The following SEC31A variants were observed in gnomAD, a reference collection of about 807,000 sequenced individuals.
The protein encoded by SEC31A is SEC31 homolog A, COPII component, also known as protein transport protein Sec31A.
SEC31A carries 70 observed loss-of-function variants against 151.0 expected under a neutral mutation model. The observed-to-expected ratio is 0.46, with a 90% CI of 0.38 to 0.57. The LOEUF (loss-of-function observed/expected upper bound fraction) is 0.57, where lower values mean the gene tolerates loss of function less well. Ranked by LOEUF, SEC31A falls within the 20% of genes least tolerant of loss-of-function variation. The probability of loss-of-function intolerance (pLI) is 0.00; values close to 1 mark genes in which losing one functional copy is unlikely to be tolerated. For synonymous variants in SEC31A, 475 were observed against 505.9 expected (o/e 0.94, Z 0.82); for missense variants, 1,330 against 1,471.2 (o/e 0.90, Z 1.57).
At chr4:82,828,424 T>C (rs1248802962) in intron 23 of SEC31A, among the ~76,000 whole-genome samples, 1 of 152,142 alleles carries the variant, frequency 6.6e-6, no homozygotes, top group Non-Finnish European at 1.5e-5. Context: ...TAATGCCTCC[T>C]AATTTTATAT....
intron 3 of SEC31A, chr4:82,898,055 T>C (rs1004959006): frequency 1.2e-4 from 18 of 152,326 alleles, no homozygotes; most frequent in African/African-American, 3.4e-4. Flanking sequence ...TCTCTGAGAG[T>C]ACAATTCCTG....
chr4:82,862,328 A>G (rs1228491359), intron 13 of SEC31A, among the ~76,000 whole-genome samples: 1 of 152,094 alleles, frequency 6.6e-6, no homozygotes, highest in East Asian at 1.9e-4. Flanking sequence ...ACAAAATTCA[A>G]ATATGTATGT....
Position 82,865,536 on chromosome 4 carries a change from GTATATATATATATATATA to G in SEC31A, c.1198-956_1198-939del, listed in dbSNP as rs55681370. 1.6e-3 allele frequency among the ~76,000 whole-genome samples: 213 copies of G among 137,226 alleles called. 3 individuals are homozygous for G. Among genetic ancestry groups the G allele is most frequent in the African/African-American group, 4.2e-3 (152 of 36,440 alleles). 90.0% of individuals were successfully genotyped at this position (137,226 alleles called of 152,430 possible). A position where few individuals can be genotyped will look rare whatever the true frequency, so the allele number is the denominator to read the frequency against. On this transcript the variant is annotated intron_variant, in intron 10 of 26. Coordinates refer to ENST00000395310, the MANE Select transcript of SEC31A (RefSeq NM_001077207.4). ...AAATGAATGGATAAAAAAAAATGTG[GTATATATATATATATATA>G]TATATATATATATATATATATATAT...
intron 1 of SEC31A, among the ~76,000 whole-genome samples, chr4:82,887,778 G>A (rs1010710313): frequency 2.0e-5 from 3 of 152,152 alleles, no homozygotes; most frequent in Non-Finnish European, 4.4e-5. Context: ...CATCTATTAG[G>A]CCGGGCGCGG....
chr4:82,826,415 G>A (rs904547335), intron 24 of SEC31A, among the ~76,000 whole-genome samples: 1 of 152,106 alleles, frequency 6.6e-6, no homozygotes, highest in Non-Finnish European at 1.5e-5. Context: ...GTGCAGTGGC[G>A]CAATCTCAGC....
At chr4:82,886,025 T>C (rs1740619373) in intron 1 of SEC31A, among the ~76,000 whole-genome samples, 1 of 148,032 alleles carries the variant, frequency 6.8e-6, no homozygotes, top group East Asian at 1.9e-4. Flanking sequence ...AATCTGTACA[T>C]GCTAGCAAGG....
intron 8 of SEC31A, 127 bp downstream of exon 8, chr4:82,870,198 T>C: frequency 1.6e-6 from 1 of 626,060 alleles, no homozygotes; most frequent in Non-Finnish European, 2.7e-6. Flanking sequence ...AAATAAACAC[T>C]GCACACACAC....
rs767239327 is a variant in SEC31A at position 82,824,581 on chromosome 4, G to A, written c.3385C>T (p.Arg1129Cys). 2.5e-6 allele frequency: 4 copies of A among 1,613,682 alleles called. No homozygotes were observed. The highest frequency in any genetic ancestry group is 1.7e-5 in the Admixed American group (1 of 59,956). Reference sequence around the variant, plus strand: ...GGGTCTGTTGCTGAAGAAAGGCAGCGCTGAATAAGATCCTCAAATGTGGTC... The same window carrying A: ...GGGTCTGTTGCTGAAGAAAGGCAGCACTGAATAAGATCCTCAAATGTGGTC... ...LKTTFEDLIQ[R>C]CLSSATDPQT... Residue 1129 changes from arginine (R) to cysteine (C), a missense_variant, in exon 25 of 27, where the codon CGC becomes TGC. By Grantham distance (180) the Arg-to-Cys change is radical (BLOSUM62 -3). Transcript: ENST00000395310.
At chr4:82,880,614 C>T (rs1186823564) in intron 3 of SEC31A, 185 bp downstream of exon 3, 2 of 464,560 alleles carry the variant, frequency 4.3e-6, no homozygotes, top group Non-Finnish European at 7.3e-6. Context: ...AAAAAAAAGT[C>T]AATAGAACAC....
rs1737507449 is a variant in SEC31A at position 82,874,602 on chromosome 4, C to G, written c.639+9G>C. On this transcript the variant is annotated intron_variant, in intron 6 of 26. Transcript: ENST00000395310. ...CAACATGTTCATCACAAGTCAATCA[C>G]ATACTTACTCTGTTACTATGGTCAC... 1 of 1,597,764 alleles carries G rather than the reference C, an allele frequency of 6.3e-7. No homozygotes were observed.
chr4:82,860,170 G>T (rs6535405), intron 14 of SEC31A, among the ~76,000 whole-genome samples: 145,026 of 152,194 alleles, frequency 0.95, 69,445 homozygotes, highest in East Asian at 1. Context: ...ACTTCTGAAC[G>T]AGATATAAGG....
At chr4:82,838,491 T>C (rs989121140) in intron 22 of SEC31A, among the ~76,000 whole-genome samples, 2 of 152,206 alleles carry the variant, frequency 1.3e-5, no homozygotes, top group Non-Finnish European at 2.9e-5. Flanking sequence ...TTCTTACCTC[T>C]GATTCTGCTG....
chr4:82,867,926 C>G (rs1205692848), intron 8 of SEC31A, among the ~76,000 whole-genome samples: 1 of 152,238 alleles, frequency 6.6e-6, no homozygotes, highest in Non-Finnish European at 1.5e-5. Flanking sequence ...AGCCACCGCA[C>G]CCGGCCTAGG....
chr4:82,825,717 C>T (rs1284284591), intron 24 of SEC31A, among the ~76,000 whole-genome samples: 1 of 151,984 alleles, frequency 6.6e-6, no homozygotes, highest in Non-Finnish European at 1.5e-5. Context: ...GAAAAAAGGC[C>T]AAATTAGAGA....
intron 16 of SEC31A, among the ~76,000 whole-genome samples, chr4:82,856,018 C>T (rs1002806302): frequency 5.3e-5 from 8 of 152,234 alleles, no homozygotes; most frequent in South Asian, 2.1e-4. Context: ...AGTCTTTAGG[C>T]ACAACAAAGG....
chr4:82,881,825 T>C (rs773206872), intron 2 of SEC31A, 33 bp downstream of exon 2: 3 of 1,497,308 alleles, frequency 2.0e-6, no homozygotes, highest in South Asian at 1.1e-5. Context: ...AGAAATTAGG[T>C]AACTCATACT....
At chr4:82,864,676 C>T (rs1206880972) in intron 10 of SEC31A, 78 bp from the exon 11 acceptor site, 2 of 1,101,078 alleles carry the variant, frequency 1.8e-6, no homozygotes, top group East Asian at 4.8e-5. Context: ...GTGGCCTAAA[C>T]AGATAATCTG....
At chr4:82,899,725 C>CAGA (rs1720226712) in exon 3 of SEC31A, 1 of 152,602 alleles carries the variant, frequency 6.6e-6, no homozygotes, top group African/African-American at 2.4e-5. Flanking sequence ...TAATATGTAT[C>CAGA]TTCGGCTGTA....
At chr4:82,868,222 G>A (rs1395653975) in intron 8 of SEC31A, among the ~76,000 whole-genome samples, 2 of 152,134 alleles carry the variant, frequency 1.3e-5, no homozygotes, top group Admixed American at 6.6e-5. Flanking sequence ...CATGAGGCTG[G>A]GCATGGTGGT....
Sources: allele counts gnomAD v4.1 joint callset (sites outside exome capture counted in the v4.1 genomes callset), GRCh38; gene constraint gnomAD v4.1.1; transcripts MANE v1.5; gene names NCBI Gene and HGNC (gene_info 2026-07-23, HGNC 2026-07-21).